The following AMD1 variants were observed in gnomAD, a reference collection of about 807,000 sequenced individuals.
The protein encoded by AMD1 is S-adenosylmethionine decarboxylase proenzyme.
AMD1 carries 11 observed loss-of-function variants against 40.2 expected under a neutral mutation model. That is an observed-to-expected ratio of 0.27 (90% CI 0.17 to 0.45). AMD1 has a LOEUF of 0.45. Among genes scored for constraint, AMD1 ranks in the 20% least tolerant of loss-of-function variants. AMD1 has a pLI of 1.00. For synonymous variants in AMD1, 121 were observed against 130.8 expected (o/e 0.93, Z 0.51); for missense variants, 257 against 410.2 (o/e 0.63, Z 3.23).
At chr6:110,875,388 T>C (rs1785039402) in intron 1 of AMD1, among the ~76,000 whole-genome samples, 173 bp downstream of exon 1, 1 of 152,066 alleles carries the variant, frequency 6.6e-6, no homozygotes, top group South Asian at 2.1e-4. Flanking sequence ...AGCGGCCATG[T>C]CCACGCGGGC....
rs767406460 is a variant in AMD1, at chr6:110,890,329, A to G, written c.400A>G (p.Ile134Val). The change falls in exon 4 of 9, where the codon ATA (isoleucine) becomes GTA (valine). Residue 134 changes from isoleucine (I) to valine (V), a missense_variant. Around this residue, in one of 3 missense-constraint regions of AMD1, gnomAD observed 192 missense variants for 296.5 expected, o/e 0.65. Coordinates refer to ENST00000368885, the MANE Select transcript of AMD1 (RefSeq NM_001634.6). ...GYPHRNFQEEIEFLNAIFPNG... is the reference protein window; with the variant it reads ...GYPHRNFQEEVEFLNAIFPNG... Reference sequence around the variant, plus strand: ...CCCACACCGGAATTTCCAGGAAGAAATAGAGTTTCTTAATGCAATTTTCCC... The same window carrying G: ...CCCACACCGGAATTTCCAGGAAGAAGTAGAGTTTCTTAATGCAATTTTCCC... 6.3e-7 allele frequency: 1 copy of G among 1,599,896 alleles called. No individual in the cohort carries two copies. Among genetic ancestry groups the G allele is most frequent in the East Asian group, 2.2e-5 (1 of 44,734 alleles).
chr6:110,886,790 A>G (rs1008823738), intron 1 of AMD1, among the ~76,000 whole-genome samples: 1 of 152,216 alleles, frequency 6.6e-6, no homozygotes, highest in African/African-American at 2.4e-5. Context: ...AATATCTGTC[A>G]TGTTAAGCTG....
At chr6:110,835,660 G>A in the AMD1 span, among the ~76,000 whole-genome samples, 23 of 152,220 alleles carry the variant, frequency 1.5e-4, no homozygotes, top group Non-Finnish European at 3.1e-4. Context: ...GAGGTCAGGA[G>A]TTCGAGACCA....
chr6:110,874,899 G>C lies in AMD1; in HGVS notation c.-207G>C. On this transcript the variant is annotated 5_prime_UTR_variant, in exon 1 of 9. Coordinates refer to ENST00000368885, the MANE Select transcript of AMD1 (RefSeq NM_001634.6). ...CTGCCTCTATTTCCAAAAGACTCAC[G>C]TTCAACTTTCGCTCACACAAAGCCG... 1 of 553,242 alleles carries C rather than the reference G, an allele frequency of 1.8e-6. No individual in the cohort carries two copies. The highest frequency in any genetic ancestry group is 3.0e-5 in the East Asian group (1 of 33,294). The allele number at this position is 553,242 out of a possible 1,614,324, so 34.3% of individuals were successfully genotyped here. A position where few individuals can be genotyped will look rare whatever the true frequency, so the allele number is the denominator to read the frequency against.
chr6:110,871,189 A>G (rs972940413), upstream of AMD1, among the ~76,000 whole-genome samples: 1 of 152,236 alleles, frequency 6.6e-6, no homozygotes, highest in African/African-American at 2.4e-5. Flanking sequence ...TTCAATTGTA[A>G]TGGGAAACCC....
the AMD1 span, among the ~76,000 whole-genome samples, chr6:110,816,713 T>G: frequency 6.6e-6 from 1 of 152,192 alleles, no homozygotes; most frequent in Non-Finnish European, 1.5e-5. Flanking sequence ...TTTTTCCTCT[T>G]ATCCTCTCTT....
At chr6:110,844,936 A>G in the AMD1 span, among the ~76,000 whole-genome samples, 1 of 152,052 alleles carries the variant, frequency 6.6e-6, no homozygotes, top group African/African-American at 2.4e-5. Context: ...GAAGCTTCTA[A>G]TCATCACAGA....
At chr6:110,879,466 A>G (rs1303373448) in intron 1 of AMD1, among the ~76,000 whole-genome samples, 1 of 152,242 alleles carries the variant, frequency 6.6e-6, no homozygotes, top group Non-Finnish European at 1.5e-5. Flanking sequence ...AATTTGAGAT[A>G]GAGAAACAAT....
At chr6:110,849,269 G>T in the AMD1 span, among the ~76,000 whole-genome samples, 1 of 152,146 alleles carries the variant, frequency 6.6e-6, no homozygotes, top group African/African-American at 2.4e-5. Context: ...TTAAGAGAGG[G>T]TGTCAAATTG....
intron 1 of AMD1, among the ~76,000 whole-genome samples, chr6:110,878,925 A>G (rs2115277084): frequency 6.6e-6 from 1 of 152,344 alleles, no homozygotes; most frequent in East Asian, 1.9e-4. Flanking sequence ...CTACATCATT[A>G]TGCAGCATTA....
the AMD1 span, among the ~76,000 whole-genome samples, chr6:110,831,198 A>G: frequency 6.6e-6 from 1 of 151,990 alleles, no homozygotes; most frequent in Non-Finnish European, 1.5e-5. Flanking sequence ...CCAACACTTC[A>G]GGAGGCCAAG....
rs931918914 is a variant in AMD1, at chr6:110,892,990, C to T, written c.789C>T (p.Ser263=). 1.2e-6 allele frequency: 2 copies of T among 1,614,010 alleles called. No individual in the cohort carries two copies. The highest frequency in any genetic ancestry group is 4.5e-5 in the East Asian group (2 of 44,872). ...VSFETNLSQT[S]YDDLIRKVVE... ...TTGAAACAAACTTAAGTCAGACCTC[C>T]TATGATGACCTGATCAGGAAAGTTG... is the stretch of plus-strand genomic sequence containing the variant. The change falls in exon 8 of 9, where the codon TCC becomes TCT. Residue 263 remains serine, a synonymous_variant. Transcript: ENST00000368885.
the AMD1 span, among the ~76,000 whole-genome samples, chr6:110,840,936 T>C: frequency 9.2e-5 from 14 of 152,204 alleles, no homozygotes; most frequent in Admixed American, 7.9e-4. Context: ...TATACATCAT[T>C]ATACCACAGG....
the AMD1 span, among the ~76,000 whole-genome samples, chr6:110,833,203 G>A: frequency 6.6e-6 from 1 of 152,184 alleles, no homozygotes; most frequent in Non-Finnish European, 1.5e-5. Flanking sequence ...GAAATACATA[G>A]TGCCTAGCAG....
At chr6:110,826,202 G>A in the AMD1 span, among the ~76,000 whole-genome samples, 6 of 143,420 alleles carry the variant, frequency 4.2e-5, no homozygotes, top group East Asian at 1.2e-3. Context: ...AACCCGGGAG[G>A]TGGAGGTTGC....
chr6:110,865,674 C>A, the AMD1 span, among the ~76,000 whole-genome samples: 1 of 150,890 alleles, frequency 6.6e-6, no homozygotes, highest in Non-Finnish European at 1.5e-5. Flanking sequence ...GGATCACAGG[C>A]GTGAGCCACT....
the AMD1 span, chr6:110,814,851 A>ACGGGCGCCCCTCGGAGTCGGTGTC: frequency 3.2e-6 from 3 of 931,568 alleles, no homozygotes; most frequent in Non-Finnish European, 4.9e-6. Context: ...GGCGGGCGGA[A>ACGGGCGCCCCTCGGAGTCGGTGTC]CGGGCGCCCC....
chr6:110,859,081 C>G, the AMD1 span: 33 of 1,287,028 alleles, frequency 2.6e-5, no homozygotes, highest in Middle Eastern at 5.4e-4. Flanking sequence ...AGGGCTCCCT[C>G]GGGCGCGCAG....
At chr6:110,844,529 C>A in the AMD1 span, among the ~76,000 whole-genome samples, 16 of 151,854 alleles carry the variant, frequency 1.1e-4, no homozygotes, top group Non-Finnish European at 2.2e-4. Flanking sequence ...CGCCTGTAAT[C>A]CCAGCACTTT....
Sources: allele counts gnomAD v4.1 joint callset (sites outside exome capture counted in the v4.1 genomes callset), GRCh38; gene constraint gnomAD v4.1.1; regional missense constraint gnomAD v4.1.1; transcripts MANE v1.5; gene names NCBI Gene and HGNC (gene_info 2026-07-23, HGNC 2026-07-21).